Variants in ROBO2 observed in about 807,000 individuals in gnomAD.
ROBO2 encodes the protein roundabout homolog 2.
ROBO2 carries 53 observed loss-of-function variants against 160.8 expected under a neutral mutation model. That is an observed-to-expected ratio of 0.33 (90% confidence interval 0.26 to 0.41). The LOEUF (loss-of-function observed/expected upper bound fraction) is 0.41, where lower values mean the gene tolerates loss of function less well. Among genes scored for constraint, ROBO2 ranks in the 10% least tolerant of loss-of-function variants. The pLI is 1.00. For synonymous variants in ROBO2, 664 were observed against 611.7 expected (o/e 1.09, Z -1.26); for missense variants, 1,577 against 1,722.4 (o/e 0.92, Z 1.49).
intron 2 of ROBO2, among the ~76,000 whole-genome samples, chr3:77,369,675 T>C (rs146368803): frequency 8.4e-4 from 128 of 152,300 alleles, no homozygotes; most frequent in African/African-American, 3.1e-3. Flanking sequence ...ACTCTTGATG[T>C]TGATTCCCTG....
At chr3:76,382,249 T>C (rs1251708926) in intron 2 of ROBO2, among the ~76,000 whole-genome samples, 2 of 152,320 alleles carry the variant, frequency 1.3e-5, no homozygotes, top group African/African-American at 2.4e-5. Context: ...ATCACAGGCA[T>C]GAGCCACAGC....
chr3:76,642,305 T>G (rs924224232), intron 2 of ROBO2, among the ~76,000 whole-genome samples: 2 of 150,162 alleles, frequency 1.3e-5, no homozygotes, highest in Non-Finnish European at 3.0e-5. Context: ...TTTGATGTGG[T>G]CTGAAGCTCA....
chr3:77,413,459 T>C (rs149189278), intron 2 of ROBO2, among the ~76,000 whole-genome samples: 85 of 152,258 alleles, frequency 5.6e-4, no homozygotes, highest in African/African-American at 2.0e-3. Context: ...TTGGCTTTGA[T>C]GCTAAGCGAG....
intron 2 of ROBO2, among the ~76,000 whole-genome samples, chr3:77,104,476 T>C (rs2072508228): frequency 6.6e-6 from 1 of 152,172 alleles, no homozygotes; most frequent in African/African-American, 2.4e-5. Context: ...CATTGTATGA[T>C]AGACATTTGC....
intron 2 of ROBO2, among the ~76,000 whole-genome samples, chr3:76,802,455 G>T (rs1488109910): frequency 1.3e-5 from 2 of 151,972 alleles, no homozygotes; most frequent in African/African-American, 2.4e-5. Context: ...GAGGCCGGGC[G>T]CGGTGGCTCA....
chr3:75,992,111 C>T, intron 2 of ROBO2, among the ~76,000 whole-genome samples: 1 of 152,114 alleles, frequency 6.6e-6, no homozygotes, highest in East Asian at 1.9e-4. Flanking sequence ...AAGAAAATCC[C>T]ATTTTCTGAG....
chr3:77,558,048 C>T (rs1328480254), exon 9 of ROBO2: 6 of 1,613,248 alleles, frequency 3.7e-6, no homozygotes, highest in South Asian at 1.1e-5. Flanking sequence ...TGGTGATCCT[C>T]TTCCTGTAAT....
At chr3:76,442,178 C>T (rs1198326554) in intron 2 of ROBO2, among the ~76,000 whole-genome samples, 2 of 152,146 alleles carry the variant, frequency 1.3e-5, no homozygotes, top group African/African-American at 4.8e-5. Context: ...GAGAATACCT[C>T]AGAACTCAAT....
At chr3:77,520,439 T>G (rs903344804) in intron 5 of ROBO2, among the ~76,000 whole-genome samples, 2 of 151,274 alleles carry the variant, frequency 1.3e-5, no homozygotes, top group Admixed American at 1.3e-4. Flanking sequence ...CTATGAACAA[T>G]GTGTGCAATA....
chr3:77,176,063 A>C (rs2080119996), intron 2 of ROBO2, among the ~76,000 whole-genome samples: 2 of 151,996 alleles, frequency 1.3e-5, no homozygotes, highest in African/African-American at 2.4e-5. Context: ...TTAAATCAGC[A>C]AATAGCAGGA....
At chr3:77,378,648 T>C (rs2073010098) in intron 2 of ROBO2, among the ~76,000 whole-genome samples, 1 of 152,204 alleles carries the variant, frequency 6.6e-6, no homozygotes, top group African/African-American at 2.4e-5. Context: ...TATGATTAAA[T>C]ATATGTATTG....
At chr3:76,155,835 T>C (rs964731581) in intron 2 of ROBO2, among the ~76,000 whole-genome samples, 1 of 152,204 alleles carries the variant, frequency 6.6e-6, no homozygotes, top group African/African-American at 2.4e-5. Context: ...GTAAATGGTA[T>C]TACTGTCACT....
intron 25 of ROBO2, 42 bp from the exon 28 acceptor site, chr3:77,646,012 G>T (rs1210000390): frequency 1.4e-6 from 2 of 1,463,052 alleles, no homozygotes; most frequent in Non-Finnish European, 1.9e-6. Context: ...AAAGCAGAAT[G>T]CTTAATTTAT....
intron 6 of ROBO2, among the ~76,000 whole-genome samples, chr3:77,526,882 G>T (rs1271001852): frequency 1.3e-5 from 2 of 151,382 alleles, no homozygotes; most frequent in Non-Finnish European, 3.0e-5. Flanking sequence ...CATCCACCCT[G>T]TCCATGGATG....
intron 7 of ROBO2, among the ~76,000 whole-genome samples, chr3:77,546,871 A>G (rs1193052181): frequency 6.6e-6 from 1 of 152,102 alleles, no homozygotes; most frequent in African/African-American, 2.4e-5. Flanking sequence ...ATATTTGTTT[A>G]ATTGGCCCAG....
chr3:76,552,007 A>ATACTCAAGCAGAAGG (rs2083452451), intron 2 of ROBO2, among the ~76,000 whole-genome samples: 2 of 152,204 alleles, frequency 1.3e-5, no homozygotes, highest in East Asian at 3.9e-4. Context: ...GGTGCGAGCA[A>ATACTCAAGCAGAAGG]TACTCAAGCA....
At chr3:76,029,367 TTTA>T (rs895643724) in intron 2 of ROBO2, among the ~76,000 whole-genome samples, 5 of 151,842 alleles carry the variant, frequency 3.3e-5, no homozygotes, top group Admixed American at 2.0e-4. Flanking sequence ...CTTACATTTC[TTTA>T]TTATTATTAT....
intron 2 of ROBO2, among the ~76,000 whole-genome samples, chr3:76,918,127 G>C (rs1003382900): frequency 7.2e-5 from 11 of 152,168 alleles, no homozygotes; most frequent in African/African-American, 1.9e-4. Flanking sequence ...TAAGATATTT[G>C]ATAGGGCTTG....
chr3:76,714,620 C>G (rs1361597616), intron 2 of ROBO2, among the ~76,000 whole-genome samples: 1 of 152,134 alleles, frequency 6.6e-6, no homozygotes, highest in Non-Finnish European at 1.5e-5. Context: ...TAGATAGTGA[C>G]TAGGGGACCC....
Sources: allele counts gnomAD v4.1 joint callset (sites outside exome capture counted in the v4.1 genomes callset), GRCh38; gene constraint gnomAD v4.1.1; transcripts MANE v1.5; gene names NCBI Gene and HGNC (gene_info 2026-07-23, HGNC 2026-07-21).